SLC9A9: variants seen among roughly 807,000 people sequenced by gnomAD.
The protein encoded by SLC9A9 is sodium/hydrogen exchanger 9.
Under a neutral mutation model 77.8 loss-of-function variants are expected in SLC9A9, and 62 were observed. That is an observed-to-expected ratio of 0.80 (90% CI 0.65 to 0.98). SLC9A9 has a LOEUF of 0.98. SLC9A9 is among the 50% of genes least tolerant of loss of function. The pLI is 0.00. For missense variants in SLC9A9, 775 were observed against 774.9 expected, an observed-to-expected ratio of 1.00 and a Z score of 0.00; for synonymous variants, 320 against 283.5, an observed-to-expected ratio of 1.13 and a Z score of -1.29.
chr3:143,271,162 G>A (rs1478637339), intron 14 of SLC9A9, among the ~76,000 whole-genome samples: 5 of 152,184 alleles, frequency 3.3e-5, no homozygotes, highest in Non-Finnish European at 5.9e-5. Context: ...GAGGTTTCAG[G>A]CATCCATGGG....
rs1394774764 is a variant in SLC9A9 at position 143,789,167 on chromosome 3, T to C, written c.533+5834A>G. ...AGGTACATAATAAGTAGTTTATTGTTATTACCTCACAGTACATGGTAAAAT... is the reference window on the plus strand; with the variant it reads ...AGGTACATAATAAGTAGTTTATTGTCATTACCTCACAGTACATGGTAAAAT... On this transcript the variant is annotated intron_variant, in intron 4 of 15. Coordinates refer to ENST00000316549, the MANE Select transcript of SLC9A9 (RefSeq NM_173653.4). 2.0e-5 allele frequency among the ~76,000 whole-genome samples: 3 copies of C among 152,216 alleles called. No individual in the cohort carries two copies. In the East Asian group the frequency reaches 5.8e-4, roughly 29 times the overall value.
intron 4 of SLC9A9, among the ~76,000 whole-genome samples, chr3:143,758,858 A>C (rs1270015133): frequency 2.6e-5 from 4 of 152,102 alleles, no homozygotes; most frequent in African/African-American, 9.7e-5. Context: ...AGGATTGCAA[A>C]ATGAGAGGTT....
intron 14 of SLC9A9, among the ~76,000 whole-genome samples, chr3:143,285,325 C>CAT (rs1385312104): frequency 6.6e-6 from 1 of 152,116 alleles, no homozygotes; most frequent in African/African-American, 2.4e-5. Context: ...TGGTGTCTGG[C>CAT]ATTTGTATTG....
intron 9 of SLC9A9, among the ~76,000 whole-genome samples, chr3:143,519,266 A>C (rs1477277346): frequency 1.3e-5 from 2 of 152,206 alleles, no homozygotes; most frequent in African/African-American, 4.8e-5. Flanking sequence ...GGTAGTGTAC[A>C]ACAAAGGTAT....
Position 143,747,373 on chromosome 3 carries a change from C to A in SLC9A9, c.533+47628G>T, listed in dbSNP as rs140154390. ...GAGCTGAGGTTGCACCTCTGCCCCC[C>A]AGCCTGGGCAACAAGAGTGAAACTC... is the stretch of plus-strand genomic sequence containing the variant. On this transcript the variant is annotated intron_variant, in intron 4 of 15. Transcript: ENST00000316549. 2.5e-3 allele frequency among the ~76,000 whole-genome samples: 357 copies of A among 143,282 alleles called. 4 individuals carry two copies. The highest frequency in any genetic ancestry group is 9.2e-3 in the African/African-American group (344 of 37,292). 94.0% of individuals were successfully genotyped at this position (143,282 alleles called of 152,430 possible).
intron 4 of SLC9A9, among the ~76,000 whole-genome samples, chr3:143,701,423 A>T (rs1052672790): frequency 6.6e-6 from 1 of 152,230 alleles, no homozygotes; most frequent in Non-Finnish European, 1.5e-5. Context: ...CAGAAAAAGA[A>T]TTCAGAATTC....
chr3:143,395,613 T>C (rs1477711233), intron 12 of SLC9A9, among the ~76,000 whole-genome samples: 2 of 152,110 alleles, frequency 1.3e-5, no homozygotes, highest in African/African-American at 4.8e-5. Context: ...CTAATTAAAT[T>C]AAAGAGCTTC....
chr3:143,586,062 T>A (rs1265489151), intron 6 of SLC9A9, among the ~76,000 whole-genome samples: 1 of 152,200 alleles, frequency 6.6e-6, no homozygotes, highest in East Asian at 1.9e-4. Flanking sequence ...GATAACAGTA[T>A]AACAGTTTAC....
rs1415450156 is a variant in SLC9A9 at position 143,686,947 on chromosome 3, G to A, written c.649+6245C>T. ...CAGAAGAAGAGCTGGCTCATTCATT[G>A]AGCCCTCTGTGTATTTCTTTCTTTC... On this transcript the variant is annotated intron_variant, in intron 5 of 15. Transcript: ENST00000316549. 3.3e-5 allele frequency among the ~76,000 whole-genome samples: 5 copies of A among 151,946 alleles called. No individual in the cohort carries two copies. In the East Asian group the frequency reaches 9.7e-4, roughly 29 times the overall value.
At chr3:143,423,345 C>T (rs1168700403) in intron 12 of SLC9A9, among the ~76,000 whole-genome samples, 1 of 150,948 alleles carries the variant, frequency 6.6e-6, no homozygotes, top group Admixed American at 6.6e-5. Flanking sequence ...GTGAGCACAC[C>T]TAGCACCATA....
At position 143,466,728 on chromosome 3, in the gene SLC9A9, G is replaced by C. The variant is rs541328388; in HGVS notation, c.1469+309C>G. On this transcript the variant is annotated intron_variant, in intron 12 of 15. Coordinates refer to ENST00000316549, the MANE Select transcript of SLC9A9 (RefSeq NM_173653.4). ...AGGACAAGACCTGTGTCTTATTTTT[G>C]TAAACTCCACAGTATACCACATTGT... Among the ~76,000 whole-genome samples, 3 of 152,228 alleles carry C rather than the reference G, an allele frequency of 2.0e-5. No homozygotes were observed. The South Asian group carries it at 6.2e-4, about 32-fold the overall frequency.
At chr3:143,495,232 T>C in intron 10 of SLC9A9, 103 bp downstream of exon 10, 1 of 982,128 alleles carries the variant, frequency 1.0e-6, no homozygotes, top group Non-Finnish European at 1.6e-6. Context: ...AGCCTTGCAG[T>C]GGACTTTAGG....
chr3:143,426,240 T>C (rs1353606320), intron 12 of SLC9A9, among the ~76,000 whole-genome samples: 2 of 152,230 alleles, frequency 1.3e-5, no homozygotes. Context: ...AAACCCATGT[T>C]ATAATGTAAT....
chr3:143,364,153 T>C (rs2032832166), intron 13 of SLC9A9, among the ~76,000 whole-genome samples: 1 of 151,350 alleles, frequency 6.6e-6, no homozygotes, highest in African/African-American at 2.4e-5. Flanking sequence ...GAGAGGATGA[T>C]AAGGAATTAA....
intron 14 of SLC9A9, among the ~76,000 whole-genome samples, chr3:143,335,003 C>T (rs2031881540): frequency 1.3e-5 from 2 of 151,292 alleles, no homozygotes; most frequent in Non-Finnish European, 2.9e-5. Flanking sequence ...GGAAGAAGTA[C>T]AATGATCTCT....
At chr3:143,779,446 A>G (rs1036067822) in intron 4 of SLC9A9, among the ~76,000 whole-genome samples, 1 of 152,128 alleles carries the variant, frequency 6.6e-6, no homozygotes, top group African/African-American at 2.4e-5. Context: ...ATCTCGGCTC[A>G]CTGCAACCTC....
chr3:143,680,456 C>T (rs1933050783), intron 5 of SLC9A9, among the ~76,000 whole-genome samples: 1 of 151,952 alleles, frequency 6.6e-6, no homozygotes, highest in African/African-American at 2.4e-5. Flanking sequence ...TTAAATCTTC[C>T]CATTCTAGAG....
chr3:143,570,077 A>G (rs1024346089), intron 8 of SLC9A9, among the ~76,000 whole-genome samples: 1 of 151,826 alleles, frequency 6.6e-6, no homozygotes, highest in African/African-American at 2.4e-5. Flanking sequence ...AAGTGCTGGG[A>G]TTATAGAAAT....
intron 12 of SLC9A9, among the ~76,000 whole-genome samples, chr3:143,437,590 G>A (rs114057215): frequency 0.01 from 1,588 of 152,344 alleles, 24 homozygotes; most frequent in African/African-American, 0.036. Context: ...GCCCGAGGCC[G>A]CTCAACAGGC....
Sources: gnomAD v4.1 joint callset for allele counts (sites outside exome capture counted in the v4.1 genomes callset) on GRCh38, gnomAD v4.1.1 for gene constraint, MANE v1.5 for transcripts, NCBI Gene and HGNC (gene_info 2026-07-23, HGNC 2026-07-21) for gene names.